Variants in SPCS1 observed in about 807,000 individuals in gnomAD.
SPCS1 encodes signal peptidase complex subunit 1, also known as SPase 12 kDa subunit.
In SPCS1, 10 loss-of-function variants were observed where a neutral mutation model predicts 16.4. The ratio of observed to expected loss-of-function variants is 0.61; its 90% CI spans 0.38 to 1.03. The LOEUF (loss-of-function observed/expected upper bound fraction) is 1.03. SPCS1 is among the 50% of genes least tolerant of loss of function. The pLI is 0.01. For synonymous variants in SPCS1, 47 were observed against 42.5 expected (o/e 1.10, Z -0.41); for missense variants, 118 against 123.8 (o/e 0.95, Z 0.22).
chr3:52,706,423 G>T (rs2097344786), intron 1 of SPCS1, 141 bp downstream of exon 1: 3 of 961,076 alleles, frequency 3.1e-6, no homozygotes, highest in Non-Finnish European at 4.6e-6. Flanking sequence ...TTGCCTCCTG[G>T]GTCCCCTTCT....
At chr3:52,707,570 T>A (rs2154101351) in intron 3 of SPCS1, 117 bp from the exon 4 acceptor site, 1 of 1,089,502 alleles carries the variant, frequency 9.2e-7, no homozygotes, top group East Asian at 2.5e-5. Context: ...TATGGATTTT[T>A]TTTTTTGTTT....
Position 52,707,743 on chromosome 3 carries a change from T to C in SPCS1, c.240T>C (p.Val80=). Residue 80 remains valine (V), a synonymous_variant, in exon 4 of 4, where the codon GTT becomes GTC. Transcript: ENST00000619898. ...GGCATCCTCTCAAGTGGTTACCTGT[T>C]CAAGAATCAAGCACAGACGACAAGA... ...YRRHPLKWLP[V]QESSTDDKKP... is the part of the protein sequence containing the mutation. The C allele has an allele frequency of 6.2e-7, 1 of 1,614,166 alleles. No individual in the cohort carries two copies. Among genetic ancestry groups the C allele is most frequent in the South Asian group, 1.1e-5 (1 of 91,084 alleles).
intron 3 of SPCS1, 136 bp downstream of exon 3, chr3:52,707,015 G>A: frequency 1.4e-6 from 1 of 720,516 alleles, no homozygotes; most frequent in South Asian, 1.6e-5. Flanking sequence ...GCTATCATTG[G>A]AAAAGTAGAA....
At position 52,710,740 on chromosome 3, in the gene SPCS1, TGACA is replaced by T. The variant is rs1460227999; in HGVS notation, c.*2931_*2934del. On this transcript the variant is annotated 3_prime_UTR_variant, in exon 4 of 4. Transcript: ENST00000619898. ...TCATGCCACTGCACTCCAGCCTGAC[TGACA>T]GAGTGAAACTCTGTCTCAAAAAAAA... 2.0e-5 allele frequency: 3 copies of T among 152,066 alleles called. No homozygotes were observed. Among genetic ancestry groups the T allele is most frequent in the Non-Finnish European group, 4.4e-5 (3 of 68,010 alleles). 9.4% of individuals were successfully genotyped at this position (152,066 alleles called of 1,614,324 possible).
intron 3 of SPCS1, 33 bp downstream of exon 3, chr3:52,706,912 G>T: frequency 6.5e-7 from 1 of 1,529,112 alleles, no homozygotes; most frequent in Non-Finnish European, 9.1e-7. Context: ...TGGCAGCTTG[G>T]GTTTTGTGAG....
chr3:52,707,576 T>G (rs2097345884), intron 3 of SPCS1, 111 bp from the exon 4 acceptor site: 6 of 1,101,394 alleles, frequency 5.4e-6, no homozygotes, highest in Non-Finnish European at 6.5e-6. Context: ...TTTTTTTTTT[T>G]GTTTTTTTGT....
chr3:52,706,803 T>A lies in SPCS1; in HGVS notation c.107T>A (p.Phe36Tyr). Residue 36 changes from phenylalanine to tyrosine, a missense_variant, in exon 3 of 4, where the codon TTT (phenylalanine) becomes TAT (tyrosine). Coordinates refer to ENST00000619898, the MANE Select transcript of SPCS1 (RefSeq NM_014041.5). Reference sequence around the variant, plus strand: ...TTCATTTGTCTCTAGATAGTTGGATTTATCTACGGGTACGTGGCTGAACAG... The same window carrying A: ...TTCATTTGTCTCTAGATAGTTGGATATATCTACGGGTACGTGGCTGAACAG... ...GIILFSAIVG[F>Y]IYGYVAEQFG... is the part of the protein sequence containing the mutation. 3.1e-6 allele frequency: 5 copies of A among 1,613,934 alleles called. No individual in the cohort carries two copies. The highest frequency in any genetic ancestry group is 4.2e-6 in the Non-Finnish European group (5 of 1,179,764).
At chr3:52,707,555 A>G in intron 3 of SPCS1, 132 bp from the exon 4 acceptor site, 1 of 884,292 alleles carries the variant, frequency 1.1e-6, no homozygotes, top group South Asian at 1.8e-5. Context: ...GAGCCTTTAT[A>G]GGAATATGGA....
In SPCS1 at chr3:52,710,220, C is replaced by G. The variant is rs2097349026; in HGVS notation, c.*2408C>G. On this transcript the variant is annotated 3_prime_UTR_variant, in exon 4 of 4. Coordinates refer to ENST00000619898, the MANE Select transcript of SPCS1 (RefSeq NM_014041.5). ...TACTAAAAAAATACAAAAAAATTAGCCGGGCATGGTGGCGGGCAACTGTAG... is the reference window on the plus strand; with the variant it reads ...TACTAAAAAAATACAAAAAAATTAGGCGGGCATGGTGGCGGGCAACTGTAG... The G allele has an allele frequency of 6.6e-6, 1 of 151,730 alleles. No homozygotes were observed. The highest frequency in any genetic ancestry group is 2.4e-5 in the African/African-American group (1 of 41,306). The allele number at this position is 151,730 out of a possible 1,614,324, so 9.4% of individuals were successfully genotyped here.
chr3:52,707,592 C>T (rs900569312), intron 3 of SPCS1, 95 bp from the exon 4 acceptor site: 4 of 1,331,636 alleles, frequency 3.0e-6, no homozygotes, highest in Non-Finnish European at 4.2e-6. Flanking sequence ...TTTGTTCCCT[C>T]AGCATAGGAG....
At position 52,708,397 on chromosome 3, in the gene SPCS1, T is replaced by C. The variant is rs34017441; in HGVS notation, c.*585T>C. 55,259 of 152,792 alleles carry C rather than the reference T, an allele frequency of 0.36. 10,620 individuals are homozygous for C. The highest frequency in any genetic ancestry group is 0.47 in the Admixed American group (7,202 of 15,368). 9.5% of individuals were successfully genotyped at this position (152,792 alleles called of 1,614,324 possible). On this transcript the variant is annotated 3_prime_UTR_variant, in exon 4 of 4. Coordinates refer to ENST00000619898, the MANE Select transcript of SPCS1 (RefSeq NM_014041.5). The stretch of plus-strand genomic sequence containing the variant: ...ATTAGTTCCATGAGAACGGGGACTT[T>C]GTTTTGCTCACTGCTGTCTACCCAG...
intron 3 of SPCS1, 196 bp downstream of exon 3, chr3:52,707,075 T>G: frequency 1.7e-6 from 1 of 592,436 alleles, no homozygotes; most frequent in Non-Finnish European, 3.0e-6. Context: ...ACACAGCTTA[T>G]TTCCTTTGGC....
At position 52,706,853 on chromosome 3, in the gene SPCS1, A is replaced by G. The variant is rs745394692; in HGVS notation, c.157A>G (p.Met53Val). The G allele has an allele frequency of 1.2e-5, 20 of 1,613,856 alleles. No homozygotes were observed. The highest frequency in any genetic ancestry group is 3.3e-5 in the South Asian group (3 of 91,082). The change falls in exon 3 of 4, where the codon ATG (methionine) becomes GTG (valine). Residue 53 changes from methionine (M) to valine (V), a missense_variant. Coordinates refer to ENST00000619898, the MANE Select transcript of SPCS1 (RefSeq NM_014041.5). ...GTTCGGGTGGACTGTCTATATAGTT[A>G]TGGCCGGATTTGCTTTTTCATGTTT... ...EQFGWTVYIV[M>V]AGFAFSCLLT...
chr3:52,707,838 T>C lies in SPCS1; in HGVS notation c.*26T>C, dbSNP rs538417409. On this transcript the variant is annotated 3_prime_UTR_variant, in exon 4 of 4. Transcript: ENST00000619898. ...GGTTTTCATGATTCAGCACCTGCTT[T>C]TGTTTCTGTGAGATGAGCTAAATTG... The C allele has an allele frequency of 1.2e-6, 2 of 1,613,184 alleles. No individual in the cohort carries two copies. The highest frequency in any genetic ancestry group is 1.7e-6 in the Non-Finnish European group (2 of 1,179,478).
chr3:52,706,978 T>G (rs1316719512), intron 3 of SPCS1, 99 bp downstream of exon 3: 2 of 843,702 alleles, frequency 2.4e-6, no homozygotes, highest in Non-Finnish European at 4.1e-6. Flanking sequence ...AACGTTTCCC[T>G]CATCCTTCCA....
rs2097346709 is a variant in SPCS1, at chr3:52,708,387, AC to A, written c.*576del. ...TCATTAGAACATTAGTTCCATGAGA[AC>A]GGGGACTTTGTTTTGCTCACTGCTG... On this transcript the variant is annotated 3_prime_UTR_variant, in exon 4 of 4. Coordinates refer to ENST00000619898, the MANE Select transcript of SPCS1 (RefSeq NM_014041.5). 1 of 153,210 alleles carries A rather than the reference AC, an allele frequency of 6.5e-6. No individual in the cohort carries two copies. Among genetic ancestry groups the A allele is most frequent in the African/African-American group, 2.4e-5 (1 of 41,472 alleles). The allele number at this position is 153,210 out of a possible 1,614,324, so 9.5% of individuals were successfully genotyped here.
Position 52,711,043 on chromosome 3 carries a change from A to C in SPCS1, c.*3231A>C, listed in dbSNP as rs912076007. ...TAAATGGACCTGGACTTTGCTTACA[A>C]ATTGCTTAAATGGAAATGAAATTTG... On this transcript the variant is annotated 3_prime_UTR_variant, in exon 4 of 4. Coordinates refer to ENST00000619898, the MANE Select transcript of SPCS1 (RefSeq NM_014041.5). The C allele has an allele frequency of 6.5e-6, 1 of 152,692 alleles. No homozygotes were observed. The highest frequency in any genetic ancestry group is 2.4e-5 in the African/African-American group (1 of 41,466). 9.5% of individuals were successfully genotyped at this position (152,692 alleles called of 1,614,324 possible).
Position 52,706,775 on chromosome 3 carries a change from T to C in SPCS1, c.97-18T>C, listed in dbSNP as rs374028558. On this transcript the variant is annotated intron_variant, in intron 2 of 3. Transcript: ENST00000619898. The stretch of plus-strand genomic sequence containing the variant: ...ACCCTCAGTTTGAGTGTGTTTAATA[T>C]ACTTCATTTGTCTCTAGATAGTTGG... 8.7e-6 allele frequency: 14 copies of C among 1,612,122 alleles called. No individual in the cohort carries two copies. Among genetic ancestry groups the C allele is most frequent in the Non-Finnish European group, 1.2e-5 (14 of 1,178,266 alleles).
rs879441880 is a variant in SPCS1 at position 52,710,293 on chromosome 3, A to C, written c.*2481A>C. 3 of 151,754 alleles carry C rather than the reference A, an allele frequency of 2.0e-5. No individual in the cohort carries two copies. The highest frequency in any genetic ancestry group is 6.6e-5 in the Admixed American group (1 of 15,228). 9.4% of individuals were successfully genotyped at this position (151,754 alleles called of 1,614,324 possible). ...GGTAGGAGAATGGAGTGAACCTGGGAGGCGGAGCTTGCAGTGATCTGAGAT... is the reference window on the plus strand; with the variant it reads ...GGTAGGAGAATGGAGTGAACCTGGGCGGCGGAGCTTGCAGTGATCTGAGAT... On this transcript the variant is annotated 3_prime_UTR_variant, in exon 4 of 4. Transcript: ENST00000619898.
Sources: gnomAD v4.1 joint callset for allele counts on GRCh38, gnomAD v4.1.1 for gene constraint, MANE v1.5 for transcripts, NCBI Gene and HGNC (gene_info 2026-07-23, HGNC 2026-07-21) for gene names.